FRMD4B: variants seen among roughly 807,000 people sequenced by gnomAD.
FRMD4B encodes FERM domain-containing protein 4B.
Under a neutral mutation model 141.5 loss-of-function variants are expected in FRMD4B, and 74 were observed. The ratio of observed to expected loss-of-function variants is 0.52; its 90% CI spans 0.43 to 0.63. The LOEUF is 0.63. FRMD4B is among the 30% of genes least tolerant of loss of function. The pLI is 0.00. For missense variants in FRMD4B, 1,366 were observed against 1,253.4 expected (o/e 1.09, Z -1.36); for synonymous variants, 506 against 467.9 (o/e 1.08, Z -1.05).
chr3:69,468,564 C>CACT (rs1705832207), intron 1 of FRMD4B, among the ~76,000 whole-genome samples: 1 of 152,116 alleles, frequency 6.6e-6, no homozygotes, highest in South Asian at 2.1e-4. Context: ...ATGAAAGGGA[C>CACT]ACTACTGGGG....
intron 2 of FRMD4B, among the ~76,000 whole-genome samples, chr3:69,412,205 C>A (rs1704771954): frequency 6.6e-6 from 1 of 152,074 alleles, no homozygotes; most frequent in Non-Finnish European, 1.5e-5. Context: ...AGGTTTGAAC[C>A]CAGGAATTCT....
At chr3:69,421,162 C>T (rs1218485050) in intron 2 of FRMD4B, among the ~76,000 whole-genome samples, 1 of 152,216 alleles carries the variant, frequency 6.6e-6, no homozygotes, top group Non-Finnish European at 1.5e-5. Context: ...CTTGGTCCCC[C>T]TTTTCCTCCA....
rs75296178 is a variant in FRMD4B, at chr3:69,525,313, G to C, written c.-129+16893C>G. On this transcript the variant is annotated intron_variant, in intron 1 of 5. Coordinates refer to the FRMD4B transcript ENST00000459638. ...GTAGATGTTGGGTTTTTGGACAGCA[G>C]GAGGAGGTGGCTGGGTCTTTGTGCT... Among the ~76,000 whole-genome samples, 253 of 152,162 alleles carry C rather than the reference G, an allele frequency of 1.7e-3. 1 individual carries two copies. Among genetic ancestry groups the C allele is most frequent in the African/African-American group, 5.8e-3 (241 of 41,472 alleles).
intron 1 of FRMD4B, among the ~76,000 whole-genome samples, chr3:69,324,166 T>A (rs1427315457): frequency 1.3e-5 from 2 of 152,208 alleles, no homozygotes; most frequent in Non-Finnish European, 2.9e-5. Flanking sequence ...CTCCACCTGT[T>A]GGGATGCTTC....
intron 1 of FRMD4B, among the ~76,000 whole-genome samples, chr3:69,438,824 A>G (rs1436569321): frequency 1.3e-5 from 2 of 152,168 alleles, no homozygotes; most frequent in East Asian, 3.9e-4. Flanking sequence ...AAGTGGGGGT[A>G]AAATATGGAA....
chr3:69,418,822 A>ATGTGTGTGTGTGTATG (rs1553641508), intron 2 of FRMD4B, among the ~76,000 whole-genome samples: 1 of 150,360 alleles, frequency 6.7e-6, no homozygotes, highest in Non-Finnish European at 1.5e-5. Flanking sequence ...CATAGCAACT[A>ATGTGTGTGTGTGTATG]TGTGTGTGTG....
In FRMD4B at chr3:69,171,988, A is replaced by C. The variant is rs1425108661; in HGVS notation, c.2985-7T>G. 2 of 1,612,814 alleles carry C rather than the reference A, an allele frequency of 1.2e-6. No individual in the cohort carries two copies. The highest frequency in any genetic ancestry group is 1.7e-6 in the Non-Finnish European group (2 of 1,179,030). The stretch of plus-strand genomic sequence containing the variant: ...ACTGATTTCTGTGTATTGTCTATTA[A>C]AGAAAACCAGAAAAGTTACTACTTG... On this transcript the variant is annotated splice_polypyrimidine_tract_variant and splice_region_variant and intron_variant, in intron 22 of 22. Coordinates refer to ENST00000398540, the MANE Select transcript of FRMD4B (RefSeq NM_015123.3).
chr3:69,433,414 T>G (rs1367586963), intron 1 of FRMD4B, among the ~76,000 whole-genome samples: 1 of 152,196 alleles, frequency 6.6e-6, no homozygotes, highest in Non-Finnish European at 1.5e-5. Flanking sequence ...CACACCCAAG[T>G]GTAAAAACAG....
chr3:69,270,770 T>C (rs2093591021), intron 5 of FRMD4B, among the ~76,000 whole-genome samples: 1 of 152,090 alleles, frequency 6.6e-6, no homozygotes, highest in South Asian at 2.1e-4. Flanking sequence ...TTCACCATGT[T>C]GGCCAGGATG....
chr3:69,386,894 C>T (rs1181218037), upstream of FRMD4B, among the ~76,000 whole-genome samples: 1 of 152,180 alleles, frequency 6.6e-6, no homozygotes, highest in Non-Finnish European at 1.5e-5. Context: ...ATAAGAGAAT[C>T]GGTGGTTTAG....
intron 1 of FRMD4B, among the ~76,000 whole-genome samples, chr3:69,501,204 C>A (rs145361438): frequency 6.7e-6 from 1 of 149,320 alleles, no homozygotes; most frequent in African/African-American, 2.5e-5. Flanking sequence ...TCCTAAAACA[C>A]TATAAGGTTT....
At chr3:69,305,739 G>A (rs1316019634) in intron 3 of FRMD4B, among the ~76,000 whole-genome samples, 2 of 152,164 alleles carry the variant, frequency 1.3e-5, no homozygotes, top group Non-Finnish European at 2.9e-5. Flanking sequence ...GGGAAACAGA[G>A]AGAGACCCTG....
chr3:69,512,651 A>G (rs1032002337), intron 1 of FRMD4B, among the ~76,000 whole-genome samples: 1 of 152,132 alleles, frequency 6.6e-6, no homozygotes, highest in Non-Finnish European at 1.5e-5. Context: ...GTCAACGAGA[A>G]TAGGGGAAGG....
intron 1 of FRMD4B, among the ~76,000 whole-genome samples, chr3:69,477,980 G>C (rs1333871640): frequency 6.6e-6 from 1 of 152,094 alleles, no homozygotes; most frequent in Admixed American, 6.5e-5. Context: ...AGATTTTCTA[G>C]TTTATTTGCG....
intron 22 of FRMD4B, among the ~76,000 whole-genome samples, chr3:69,174,133 T>C (rs1450806193): frequency 4.0e-5 from 2 of 50,296 alleles, no homozygotes; most frequent in Admixed American, 2.9e-4. Context: ...CAAGGCTCCG[T>C]CTTGGGAAGA....
chr3:69,510,388 G>A (rs1386168893), intron 1 of FRMD4B, among the ~76,000 whole-genome samples: 2 of 152,068 alleles, frequency 1.3e-5, no homozygotes, highest in Non-Finnish European at 2.9e-5. Flanking sequence ...ATTCATAGAC[G>A]TTTTATTCTT....
intron 1 of FRMD4B, among the ~76,000 whole-genome samples, chr3:69,510,945 C>A (rs1357535423): frequency 6.6e-6 from 1 of 152,180 alleles, no homozygotes; most frequent in Non-Finnish European, 1.5e-5. Flanking sequence ...TAAATCTAAC[C>A]ATTTTTTCCT....
intron 5 of FRMD4B, among the ~76,000 whole-genome samples, chr3:69,258,880 G>A (rs1408800858): frequency 1.3e-5 from 2 of 152,130 alleles, no homozygotes; most frequent in Non-Finnish European, 2.9e-5. Flanking sequence ...CTGCAAAATA[G>A]AAGATAATGT....
At chr3:69,251,625 G>A (rs1345048301) in intron 5 of FRMD4B, among the ~76,000 whole-genome samples, 24 of 152,238 alleles carry the variant, frequency 1.6e-4, no homozygotes, top group Admixed American at 1.6e-3. Context: ...CCTGAGGAGA[G>A]GATCTGCTTC....
Sources: gnomAD v4.1 joint callset for allele counts (sites outside exome capture counted in the v4.1 genomes callset) on GRCh38, gnomAD v4.1.1 for gene constraint, MANE v1.5 for transcripts, NCBI Gene and HGNC (gene_info 2026-07-23, HGNC 2026-07-21) for gene names.